Variants in MYO9B observed in about 807,000 individuals in gnomAD.
The protein encoded by MYO9B is myosin IXB.
MYO9B carries 71 observed loss-of-function variants against 229.5 expected under a neutral mutation model. The ratio of observed to expected loss-of-function variants is 0.31; its 90% confidence interval spans 0.26 to 0.38. The LOEUF is 0.38. MYO9B is among the 10% of genes least tolerant of loss of function. The probability of loss-of-function intolerance (pLI) is 1.00; values close to 1 mark genes in which losing one functional copy is unlikely to be tolerated. For synonymous variants in MYO9B, 1,185 were observed against 1,235.8 expected (o/e 0.96, Z 0.86); for missense variants, 2,255 against 2,920.5 (o/e 0.77, Z 5.25).
chr19:17,077,569 T>TG (rs970825727), intron 1 of MYO9B, among the ~76,000 whole-genome samples: 23 of 152,138 alleles, frequency 1.5e-4, no homozygotes, highest in Admixed American at 6.5e-5. Flanking sequence ...CAGGGTCTTG[T>TG]GGGGGGAGCA....
chr19:17,127,622 C>A (rs2145156866), intron 2 of MYO9B, among the ~76,000 whole-genome samples: 1 of 152,290 alleles, frequency 6.6e-6, no homozygotes, highest in East Asian at 1.9e-4. Context: ...AGCCACCATA[C>A]CCAGCCCCCT....
chr19:17,153,327 G>C (rs1055186702), intron 4 of MYO9B, among the ~76,000 whole-genome samples: 1 of 150,486 alleles, frequency 6.6e-6, no homozygotes, highest in African/African-American at 2.4e-5. Flanking sequence ...TCAGCCTCCC[G>C]AGTAGCTGGA....
intron 10 of MYO9B, among the ~76,000 whole-genome samples, chr19:17,167,583 G>A (rs1035446456): frequency 6.6e-6 from 1 of 150,746 alleles, no homozygotes; most frequent in Non-Finnish European, 1.5e-5. Flanking sequence ...GTGTTCAAGC[G>A]ATTTTCCTGC....
At chr19:17,106,811 C>G (rs1373069166) in intron 2 of MYO9B, among the ~76,000 whole-genome samples, 1 of 152,112 alleles carries the variant, frequency 6.6e-6, no homozygotes, top group East Asian at 1.9e-4. Context: ...GCCTGTAATC[C>G]CAACACTTTG....
At chr19:17,159,630 C>T (rs1037203059) in intron 8 of MYO9B, 146 bp downstream of exon 8, 1 of 788,226 alleles carries the variant, frequency 1.3e-6, no homozygotes, top group African/African-American at 1.7e-5. Flanking sequence ...CATGCAAGCT[C>T]AGGTGTGGCA....
In MYO9B at chr19:17,088,713, CAGGAT is replaced by C. The variant is rs529878261; in HGVS notation, c.-59+12840_-59+12844del. Among the ~76,000 whole-genome samples the C allele has an allele frequency of 8.0e-3, 1,214 of 152,200 alleles. 26 individuals carry two copies. The highest frequency in any genetic ancestry group is 6.3e-3 in the Non-Finnish European group (427 of 68,010). On this transcript the variant is annotated intron_variant, in intron 1 of 39. Coordinates refer to ENST00000682292, the MANE Select transcript of MYO9B (RefSeq NM_004145.4). Reference sequence around the variant, plus strand: ...TGTGTGTGTGTGAGAGAGAGAGAAACAGGATCTGTCTCTGTTGCCCAGGCTGGAGT... The same window carrying C: ...TGTGTGTGTGTGAGAGAGAGAGAAACCTGTCTCTGTTGCCCAGGCTGGAGT...
At chr19:17,112,191 G>T (rs908835045) in intron 2 of MYO9B, among the ~76,000 whole-genome samples, 1 of 152,154 alleles carries the variant, frequency 6.6e-6, no homozygotes, top group South Asian at 2.1e-4. Flanking sequence ...GGATCCCCTG[G>T]AGACTGTCAT....
chr19:17,209,602 A>G lies in MYO9B; in HGVS notation c.5641A>G (p.Ile1881Val). 1.3e-6 allele frequency: 2 copies of G among 1,597,546 alleles called. No homozygotes were observed. Among genetic ancestry groups the G allele is most frequent in the Admixed American group, 1.8e-5 (1 of 56,776 alleles). ...LKITTCVEMLIKEQMRKYKVK... is the reference protein window; with the variant it reads ...LKITTCVEMLVKEQMRKYKVK... The stretch of plus-strand genomic sequence containing the variant: ...TCTCTGTAGGTGCGTGGAGATGCTG[A>G]TCAAGGAGCAGATGAGGAAATACAA... The change falls in exon 36 of 40, where the codon ATC (isoleucine) becomes GTC (valine). Residue 1881 changes from isoleucine to valine, a missense_variant. Ile to Val is a conservative substitution (Grantham distance 29, BLOSUM62 3). Around this residue, in one of 7 missense-constraint regions of MYO9B, gnomAD observed 416 missense variants for 605.5 expected, o/e 0.69. Coordinates refer to ENST00000682292, the MANE Select transcript of MYO9B (RefSeq NM_004145.4).
intron 2 of MYO9B, among the ~76,000 whole-genome samples, chr19:17,139,224 A>C (rs1434954620): frequency 6.6e-6 from 1 of 152,014 alleles, no homozygotes; most frequent in Non-Finnish European, 1.5e-5. Flanking sequence ...CTAGGCTACA[A>C]ACCTGTACAG....
In MYO9B at chr19:17,102,089, G is replaced by A; in HGVS notation, c.372G>A (p.Gln124=). The A allele has an allele frequency of 6.2e-7, 1 of 1,612,970 alleles. No homozygotes were observed. The highest frequency in any genetic ancestry group is 1.6e-4 in the Middle Eastern group (1 of 6,062). The change falls in exon 2 of 40, where the codon CAG becomes CAA. Residue 124 remains glutamine, a synonymous_variant. Coordinates refer to ENST00000682292, the MANE Select transcript of MYO9B (RefSeq NM_004145.4). ...ADGTIKYVHM[Q]LVAQATATRR... ...GAACCATCAAGTACGTGCATATGCA[G>A]CTGGTGGCGCAGGCCACAGCCACCC...
At chr19:17,129,810 T>C (rs2072172334) in intron 2 of MYO9B, among the ~76,000 whole-genome samples, 1 of 151,944 alleles carries the variant, frequency 6.6e-6, no homozygotes, top group African/African-American at 2.4e-5. Context: ...GTTTTTTTGG[T>C]TTTTTGGTTT....
At chr19:17,200,899 G>A in intron 26 of MYO9B, 70 bp downstream of exon 26, 2 of 1,528,592 alleles carry the variant, frequency 1.3e-6, no homozygotes, top group Non-Finnish European at 1.8e-6. Flanking sequence ...GCCAGGCATT[G>A]TTTTCTGAAA....
intron 21 of MYO9B, among the ~76,000 whole-genome samples, 183 bp from the exon 22 acceptor site, chr19:17,194,373 C>T (rs984118539): frequency 6.6e-6 from 1 of 152,238 alleles, no homozygotes; most frequent in African/African-American, 2.4e-5. Context: ...ACTGAGGGGG[C>T]ACCACCCTCA....
intron 24 of MYO9B, among the ~76,000 whole-genome samples, chr19:17,199,244 C>T (rs184087249): frequency 1.0e-3 from 158 of 151,912 alleles, no homozygotes; most frequent in African/African-American, 3.6e-3. Flanking sequence ...ATGAGCTAGG[C>T]GCATGGCTTG....
chr19:17,175,189 C>T (rs539059854), intron 13 of MYO9B, among the ~76,000 whole-genome samples: 1 of 150,900 alleles, frequency 6.6e-6, no homozygotes, highest in South Asian at 2.1e-4. Context: ...AGGAGGATTG[C>T]TTGAGCCCAG....
At position 17,183,910 on chromosome 19, in the gene MYO9B, T is replaced by C. The variant is rs1177066832; in HGVS notation, c.2373+42T>C. ...ACCCCGCGCGACACGTTCCAAGATATCTTGCTTCTCTGCCCGTCTTGAGAG... is the reference window on the plus strand; with the variant it reads ...ACCCCGCGCGACACGTTCCAAGATACCTTGCTTCTCTGCCCGTCTTGAGAG... On this transcript the variant is annotated intron_variant, in intron 16 of 39. Coordinates refer to ENST00000682292, the MANE Select transcript of MYO9B (RefSeq NM_004145.4). 6 of 1,530,878 alleles carry C rather than the reference T, an allele frequency of 3.9e-6. No homozygotes were observed. In the Admixed American group the frequency reaches 6.1e-5, roughly 16 times the overall value. 94.8% of individuals were successfully genotyped at this position (1,530,878 alleles called of 1,614,324 possible).
intron 3 of MYO9B, among the ~76,000 whole-genome samples, chr19:17,151,543 T>G (rs1048144728): frequency 1.3e-5 from 2 of 152,152 alleles, no homozygotes; most frequent in African/African-American, 4.8e-5. Flanking sequence ...CAATGTATAC[T>G]TCATCAGAGA....
intron 3 of MYO9B, 127 bp downstream of exon 3, chr19:17,145,618 G>A (rs978261331): frequency 4.0e-5 from 34 of 848,424 alleles, no homozygotes; most frequent in Non-Finnish European, 5.5e-5. Context: ...ATGGGAGAGC[G>A]AGTGTGATTT....
intron 31 of MYO9B, 149 bp from the exon 32 acceptor site, chr19:17,205,811 C>A: frequency 1.2e-6 from 1 of 825,622 alleles, no homozygotes; most frequent in Non-Finnish European, 1.8e-6. Context: ...CCCACACCCC[C>A]AACAACCACG....
Sources: allele counts gnomAD v4.1 joint callset (sites outside exome capture counted in the v4.1 genomes callset), GRCh38; gene constraint gnomAD v4.1.1; regional missense constraint gnomAD v4.1.1; transcripts MANE v1.5; gene names NCBI Gene and HGNC (gene_info 2026-07-23, HGNC 2026-07-21).